The following USP43 variants were observed in gnomAD, a reference collection of about 807,000 sequenced individuals.
USP43 encodes ubiquitin specific peptidase 43, also known as ubiquitin carboxyl-terminal hydrolase 43.
In USP43, 33 loss-of-function variants were observed where a neutral mutation model predicts 90.7. The ratio of observed to expected loss-of-function variants is 0.36; its 90% CI spans 0.28 to 0.49. The LOEUF is 0.49. Among genes scored for constraint, USP43 ranks in the 20% least tolerant of loss-of-function variants. USP43 has a pLI of 0.98. For missense variants in USP43, 1,274 were observed against 1,476.4 expected (o/e 0.86, Z 2.25); for synonymous variants, 598 against 615.8 (o/e 0.97, Z 0.43).
chr17:9,703,416 C>T (rs1027089483), intron 12 of USP43, among the ~76,000 whole-genome samples: 2 of 152,200 alleles, frequency 1.3e-5, no homozygotes, highest in Non-Finnish European at 2.9e-5. Context: ...TTATCAAAAG[C>T]GAGATCCAGA....
At position 9,674,956 on chromosome 17, in the gene USP43, C is replaced by T; in HGVS notation, c.806C>T (p.Ser269Phe). Residue 269 changes from serine to phenylalanine, a missense_variant, in exon 4 of 15, where the codon TCC becomes TTC. Around this residue, in one of 6 missense-constraint regions of USP43, gnomAD observed 259 missense variants for 373.7 expected, o/e 0.69. Transcript: ENST00000285199. This position sits in a 1 kb window ranked among gnomAD's most constrained non-coding sequence, Gnocchi z 4.4. ...ACCTTTGATCCTTTCCTGTGTGTGT[C>T]CCTACCTATCCCCTTGCGCCAGACG... The part of the protein sequence containing the change: ...SNTFDPFLCV[S>F]LPIPLRQTRF... 6.2e-7 allele frequency: 1 copy of T among 1,614,030 alleles called. No individual in the cohort carries two copies. Among genetic ancestry groups the T allele is most frequent in the South Asian group, 1.1e-5 (1 of 91,082 alleles).
At chr17:9,681,634 C>T (rs1914297447) in intron 6 of USP43, among the ~76,000 whole-genome samples, 1 of 150,044 alleles carries the variant, frequency 6.7e-6, no homozygotes, top group Non-Finnish European at 1.5e-5. Context: ...GCTGGGACTA[C>T]AGGTGTCTGC....
chr17:9,704,278 C>G (rs1263272294), intron 12 of USP43, among the ~76,000 whole-genome samples: 1 of 151,960 alleles, frequency 6.6e-6, no homozygotes, highest in Non-Finnish European at 1.5e-5. Flanking sequence ...ACGTGATCTT[C>G]AGGTCTGGGA....
chr17:9,684,134 CA>C (rs555509154), intron 7 of USP43, among the ~76,000 whole-genome samples: 25 of 146,976 alleles, frequency 1.7e-4, no homozygotes, highest in Admixed American at 4.8e-4. Flanking sequence ...GAGACTGTCT[CA>C]AAAAAAAATT....
chr17:9,725,716 C>CCTCAGAGA (rs1045889688), intron 14 of USP43, among the ~76,000 whole-genome samples: 1 of 152,156 alleles, frequency 6.6e-6, no homozygotes, highest in African/African-American at 2.4e-5. Flanking sequence ...TCAGCCCTGG[C>CCTCAGAGA]CTCAGAGACT....
At chr17:9,666,799 C>G in intron 3 of USP43, 48 bp downstream of exon 3, 1 of 1,459,344 alleles carries the variant, frequency 6.9e-7, no homozygotes, top group Non-Finnish European at 9.5e-7. Flanking sequence ...GCTCCGCAGA[C>G]TCAATTCCTG....
In USP43 at chr17:9,700,120, T is replaced by C. The variant is rs1915486846; in HGVS notation, c.1458-52T>C. 12 of 1,507,380 alleles carry C rather than the reference T, an allele frequency of 8.0e-6. No individual in the cohort carries two copies. In the South Asian group the frequency reaches 1.5e-4, roughly 18 times the overall value. The allele number at this position is 1,507,380 out of a possible 1,614,324, so 93.4% of individuals were successfully genotyped here. A position where few individuals can be genotyped will look rare whatever the true frequency, so the allele number is the denominator to read the frequency against. On this transcript the variant is annotated intron_variant, in intron 9 of 14. Coordinates refer to ENST00000285199, the MANE Select transcript of USP43 (RefSeq NM_153210.5). ...GGGAGACTGCTGAGCCCTGAAGAGC[T>C]GTGGGAAGGAGGCCCCGTGTTTTCT...
chr17:9,673,438 G>A (rs894627518), intron 3 of USP43, among the ~76,000 whole-genome samples: 2 of 152,168 alleles, frequency 1.3e-5, no homozygotes, highest in African/African-American at 4.8e-5. Context: ...GAATCTGGGA[G>A]GCAGAGGTTG....
At chr17:9,675,429 GA>G (rs57340599) in intron 4 of USP43, among the ~76,000 whole-genome samples, 1 of 150,952 alleles carries the variant, frequency 6.6e-6, no homozygotes, top group Admixed American at 6.6e-5. Flanking sequence ...GGGAAGATGA[GA>G]AAAAAAAAGA....
At chr17:9,726,715 C>A (rs972627078) in intron 14 of USP43, among the ~76,000 whole-genome samples, 7 of 152,186 alleles carry the variant, frequency 4.6e-5, no homozygotes, top group East Asian at 1.9e-4. Flanking sequence ...GGGACACAAA[C>A]CTTCAGTCCA....
intron 12 of USP43, among the ~76,000 whole-genome samples, chr17:9,705,818 T>C (rs958348085): frequency 2.0e-5 from 3 of 151,774 alleles, no homozygotes; most frequent in African/African-American, 7.3e-5. Context: ...CAAATATTGC[T>C]GTGATAACCC....
chr17:9,726,863 G>A (rs1393584735), intron 14 of USP43, among the ~76,000 whole-genome samples: 2 of 152,186 alleles, frequency 1.3e-5, no homozygotes, highest in Non-Finnish European at 2.9e-5. Flanking sequence ...TTTCAGTTGC[G>A]CCAGGTGGAT....
Position 9,674,801 on chromosome 17 carries a change from G to A in USP43, c.741-90G>A. 9.5e-7 allele frequency: 1 copy of A among 1,056,304 alleles called. No homozygotes were observed. Among genetic ancestry groups the A allele is most frequent in the Non-Finnish European group, 1.5e-6 (1 of 682,206 alleles). 65.4% of individuals were successfully genotyped at this position (1,056,304 alleles called of 1,614,324 possible). A position where few individuals can be genotyped will look rare whatever the true frequency, so the allele number is the denominator to read the frequency against. On this transcript the variant is annotated intron_variant, in intron 3 of 14. Coordinates refer to ENST00000285199, the MANE Select transcript of USP43 (RefSeq NM_153210.5). This position sits in a 1 kb window ranked among gnomAD's most constrained non-coding sequence, Gnocchi z 4.4. ...GTACCTACGAGTGGAATCACAGGGAGTGGAAATGCAAGGATAATTCTGTAT... is the reference window on the plus strand; with the variant it reads ...GTACCTACGAGTGGAATCACAGGGAATGGAAATGCAAGGATAATTCTGTAT...
intron 14 of USP43, among the ~76,000 whole-genome samples, chr17:9,714,509 G>A (rs113871700): frequency 0.069 from 9,882 of 144,010 alleles, 447 homozygotes; most frequent in African/African-American, 0.15. Flanking sequence ...GTGAAACCCC[G>A]TCTCTACTAA....
At chr17:9,654,555 C>T (rs1272655747) in intron 1 of USP43, among the ~76,000 whole-genome samples, 1 of 150,778 alleles carries the variant, frequency 6.6e-6, no homozygotes. Flanking sequence ...GAGGCTGAGG[C>T]AGGAGAATCA....
intron 12 of USP43, among the ~76,000 whole-genome samples, chr17:9,706,479 T>C (rs1490264799): frequency 6.6e-6 from 1 of 152,214 alleles, no homozygotes; most frequent in South Asian, 2.1e-4. Flanking sequence ...TTTAGCTTAT[T>C]ACATTTAAAT....
At chr17:9,690,150 G>A (rs1277245897) in intron 8 of USP43, among the ~76,000 whole-genome samples, 1 of 152,086 alleles carries the variant, frequency 6.6e-6, no homozygotes, top group Non-Finnish European at 1.5e-5. Context: ...AAAGGGGTCG[G>A]CTCACAACTC....
chr17:9,663,339 C>A (rs1912777395), intron 2 of USP43, among the ~76,000 whole-genome samples: 1 of 151,274 alleles, frequency 6.6e-6, no homozygotes, highest in East Asian at 1.9e-4. Flanking sequence ...GCTCTGTCAC[C>A]CAGGCTGGAA....
At chr17:9,716,525 G>A (rs1214990877) in intron 14 of USP43, among the ~76,000 whole-genome samples, 2 of 152,136 alleles carry the variant, frequency 1.3e-5, no homozygotes, top group African/African-American at 4.8e-5. Context: ...GAGAGAGAGC[G>A]AACTGTTGTC....
Sources: gnomAD v4.1 joint callset for allele counts (sites outside exome capture counted in the v4.1 genomes callset) on GRCh38, gnomAD v4.1.1 for gene constraint, gnomAD v4.1.1 regional missense constraint, Gnocchi (gnomAD v3.1) non-coding constraint, MANE v1.5 for transcripts, NCBI Gene and HGNC (gene_info 2026-07-23, HGNC 2026-07-21) for gene names.